CDKAL1: variants seen among roughly 807,000 people sequenced by gnomAD.
The protein encoded by CDKAL1 is CDKAL1 threonylcarbamoyladenosine tRNA methylthiotransferase.
CDKAL1 carries 32 observed loss-of-function variants against 68.2 expected under a neutral mutation model. The observed-to-expected ratio is 0.47, with a 90% confidence interval of 0.35 to 0.63. The LOEUF is 0.63. CDKAL1 is among the 30% of genes least tolerant of loss of function. The probability of loss-of-function intolerance (pLI) is 0.00; values close to 1 mark genes in which losing one functional copy is unlikely to be tolerated. For synonymous variants in CDKAL1, 234 were observed against 244.3 expected (o/e 0.96, Z 0.39); for missense variants, 606 against 696.7 (o/e 0.87, Z 1.47).
intron 11 of CDKAL1, among the ~76,000 whole-genome samples, chr6:21,018,283 C>T (rs890284318): frequency 4.6e-5 from 7 of 152,106 alleles, no homozygotes; most frequent in South Asian, 2.1e-4. Flanking sequence ...TATCAAGCCA[C>T]GGAAAATAAA....
chr6:20,632,670 G>T (rs1033887072), intron 4 of CDKAL1, among the ~76,000 whole-genome samples: 1 of 152,032 alleles, frequency 6.6e-6, no homozygotes, highest in Admixed American at 6.6e-5. Context: ...TGCTTTCTTG[G>T]TCTCGCTTAT....
intron 11 of CDKAL1, among the ~76,000 whole-genome samples, chr6:21,026,692 A>G (rs1320828083): frequency 1.3e-5 from 2 of 152,142 alleles, no homozygotes; most frequent in African/African-American, 4.8e-5. Flanking sequence ...ATTTTCCAGG[A>G]ATTCATTGTA....
At chr6:20,654,716 C>T (rs1042657329) in intron 5 of CDKAL1, among the ~76,000 whole-genome samples, 1 of 151,962 alleles carries the variant, frequency 6.6e-6, no homozygotes, top group African/African-American at 2.4e-5. Flanking sequence ...AAGTTCTATT[C>T]TTTCTTCTTT....
rs6929141 is a variant in CDKAL1, at chr6:21,223,057, C to T, written c.1549-7791C>T. Among the ~76,000 whole-genome samples the T allele has an allele frequency of 5.3e-3, 803 of 152,172 alleles. 12 individuals carry two copies. Among genetic ancestry groups the T allele is most frequent in the African/African-American group, 0.018 (754 of 41,512 alleles). The stretch of plus-strand genomic sequence containing the variant: ...GCGTGAAATGTCTCTGCATAACATG[C>T]GGCTGACTTTTCTGGAATGGCCTCT... On this transcript the variant is annotated intron_variant, in intron 15 of 15. Coordinates refer to ENST00000274695, the MANE Select transcript of CDKAL1 (RefSeq NM_017774.3).
Position 20,976,813 on chromosome 6 carries a change from A to G in CDKAL1, c.909+21228A>G, listed in dbSNP as rs114905365. On this transcript the variant is annotated intron_variant, in intron 10 of 15. Coordinates refer to ENST00000274695, the MANE Select transcript of CDKAL1 (RefSeq NM_017774.3). ...GCCCAACAGAATGTCCATGAGCGTCACGATGTTGTTGCATATTTCAATAAT... is the reference window on the plus strand; with the variant it reads ...GCCCAACAGAATGTCCATGAGCGTCGCGATGTTGTTGCATATTTCAATAAT... Among the ~76,000 whole-genome samples the G allele has an allele frequency of 3.0e-3, 452 of 152,336 alleles. 4 individuals carry two copies. Among genetic ancestry groups the G allele is most frequent in the African/African-American group, 0.01 (421 of 41,570 alleles).
chr6:21,164,256 G>A (rs1005821730), intron 13 of CDKAL1, among the ~76,000 whole-genome samples: 10 of 152,040 alleles, frequency 6.6e-5, no homozygotes, highest in Admixed American at 3.9e-4. Flanking sequence ...GTACCTGCTT[G>A]TAGAATGAAA....
intron 9 of CDKAL1, among the ~76,000 whole-genome samples, chr6:20,930,188 C>T (rs2150671386): frequency 6.6e-6 from 1 of 151,996 alleles, no homozygotes; most frequent in South Asian, 2.1e-4. Flanking sequence ...TAAGAGAAGT[C>T]AGTTGAAGTA....
chr6:21,091,433 G>A (rs1772999006), intron 12 of CDKAL1, among the ~76,000 whole-genome samples: 2 of 152,182 alleles, frequency 1.3e-5, no homozygotes, highest in Non-Finnish European at 2.9e-5. Context: ...TTGAAAGGGA[G>A]AATGAAGTAG....
At chr6:21,200,599 C>T (rs1350251880) in intron 14 of CDKAL1, among the ~76,000 whole-genome samples, 3 of 152,180 alleles carry the variant, frequency 2.0e-5, no homozygotes, top group Non-Finnish European at 4.4e-5. Context: ...AGTATTGTCT[C>T]GGTTTTCCTC....
chr6:20,779,229 G>A (rs186898505), intron 7 of CDKAL1, among the ~76,000 whole-genome samples: 1 of 152,292 alleles, frequency 6.6e-6, no homozygotes, highest in East Asian at 1.9e-4. Context: ...GTAAGCAGTT[G>A]TTTCTTAAAA....
intron 9 of CDKAL1, among the ~76,000 whole-genome samples, chr6:20,859,317 G>A (rs187124633): frequency 7.4e-4 from 113 of 152,150 alleles, no homozygotes; most frequent in African/African-American, 2.6e-3. Context: ...AAAAAAAATG[G>A]TGTTATGAAG....
In CDKAL1 at chr6:21,203,516, A is replaced by G. The variant is rs541679391; in HGVS notation, c.1548+2242A>G. Among the ~76,000 whole-genome samples the G allele has an allele frequency of 2.6e-3, 389 of 151,692 alleles. 2 individuals carry two copies. Among genetic ancestry groups the G allele is most frequent in the African/African-American group, 9.1e-3 (377 of 41,350 alleles). ...TTCCCAAAGTGCTGGAATTACAGACATGAGCCACTGTGCTCGGCCCCAGCT... is the reference window on the plus strand; with the variant it reads ...TTCCCAAAGTGCTGGAATTACAGACGTGAGCCACTGTGCTCGGCCCCAGCT... On this transcript the variant is annotated intron_variant, in intron 15 of 15. Transcript: ENST00000274695.
At chr6:21,098,322 G>T (rs1266048999) in intron 12 of CDKAL1, among the ~76,000 whole-genome samples, 1 of 152,144 alleles carries the variant, frequency 6.6e-6, no homozygotes, top group East Asian at 1.9e-4. Flanking sequence ...GGGATCAAGT[G>T]ATTTAACTAT....
intron 4 of CDKAL1, among the ~76,000 whole-genome samples, chr6:20,595,917 A>G (rs1387698308): frequency 6.6e-6 from 1 of 152,022 alleles, no homozygotes; most frequent in Non-Finnish European, 1.5e-5. Context: ...TTTTCCTTCT[A>G]ACAGTCAGGA....
intron 4 of CDKAL1, among the ~76,000 whole-genome samples, chr6:20,613,851 G>A (rs2127725398): frequency 6.6e-6 from 1 of 152,132 alleles, no homozygotes; most frequent in East Asian, 1.9e-4. Flanking sequence ...GTTAAAAGTT[G>A]TGTACATTTC....
intron 9 of CDKAL1, among the ~76,000 whole-genome samples, chr6:20,906,786 TAAC>T (rs1231334717): frequency 6.6e-6 from 1 of 151,956 alleles, no homozygotes; most frequent in Non-Finnish European, 1.5e-5. Context: ...ACAAAACAAA[TAAC>T]AAAGTGGAAG....
chr6:21,032,012 C>CAT (rs1769314857), intron 11 of CDKAL1, among the ~76,000 whole-genome samples: 1 of 152,074 alleles, frequency 6.6e-6, no homozygotes, highest in Non-Finnish European at 1.5e-5. Context: ...ACACAGTATC[C>CAT]ATGCCATTTC....
chr6:21,002,647 T>G (rs1199799603), intron 11 of CDKAL1, among the ~76,000 whole-genome samples: 1 of 103,240 alleles, frequency 9.7e-6, no homozygotes, highest in South Asian at 3.5e-4. Flanking sequence ...AAACTTCAGG[T>G]AACCTATTTT....
intron 6 of CDKAL1, among the ~76,000 whole-genome samples, chr6:20,745,744 AT>A (rs895229808): frequency 9.2e-5 from 14 of 152,222 alleles, no homozygotes; most frequent in African/African-American, 3.1e-4. Flanking sequence ...GCCAAAAAAA[AT>A]CTAATAATGT....
Sources: allele counts gnomAD v4.1 joint callset (sites outside exome capture counted in the v4.1 genomes callset), GRCh38; gene constraint gnomAD v4.1.1; transcripts MANE v1.5; gene names NCBI Gene and HGNC (gene_info 2026-07-23, HGNC 2026-07-21).